The following ECPAS variants were observed in gnomAD, a reference collection of about 807,000 sequenced individuals.
The protein encoded by ECPAS is proteasome adapter and scaffold protein ECM29.
A neutral mutation model predicts 255.1 loss-of-function variants in ECPAS; 70 were observed. The observed-to-expected ratio is 0.27, with a 90% confidence interval of 0.23 to 0.33. The LOEUF (loss-of-function observed/expected upper bound fraction) is 0.33. ECPAS is among the 10% of genes least tolerant of loss of function. ECPAS has a pLI of 1.00. For missense variants in ECPAS, 1,817 were observed against 2,206.4 expected (o/e 0.82, Z 3.54); for synonymous variants, 784 against 775.0 (o/e 1.01, Z -0.19).
intron 27 of ECPAS, 125 bp from the exon 28 acceptor site, chr9:111,393,007 C>G (rs2098162534): frequency 4.8e-6 from 3 of 620,532 alleles, no homozygotes; most frequent in African/African-American, 3.7e-5. Context: ...GATATAAAAA[C>G]AGAATCAATA....
At chr9:111,417,333 A>G (rs975796222) in intron 17 of ECPAS, among the ~76,000 whole-genome samples, 2 of 152,264 alleles carry the variant, frequency 1.3e-5, no homozygotes, top group African/African-American at 2.4e-5. Context: ...AATGTTGCCA[A>G]GCATGAAAGG....
chr9:111,362,377 G>C (rs1392445076), intron 49 of ECPAS, among the ~76,000 whole-genome samples: 1 of 152,008 alleles, frequency 6.6e-6, no homozygotes, highest in Non-Finnish European at 1.5e-5. Context: ...ATTCTTGACA[G>C]TAGCGTAGAG....
chr9:111,365,690 G>A (rs971072682), intron 48 of ECPAS: 3 of 152,276 alleles, frequency 2.0e-5, no homozygotes, highest in Non-Finnish European at 2.9e-5. Flanking sequence ...TAAAAATAAA[G>A]AACATTACCG....
At chr9:111,411,502 T>C (rs897832859) in intron 21 of ECPAS, 2 of 198,682 alleles carry the variant, frequency 1.0e-5, no homozygotes, top group Non-Finnish European at 2.0e-5. Context: ...CTTTCACACA[T>C]AATGTCTTCC....
In ECPAS at chr9:111,451,547, C is replaced by A; in HGVS notation, c.31G>T (p.Glu11Ter). MYHIDCRDQL[E>*]RVFLRLGHAE... is the part of the protein sequence containing the mutation. ...TGGCCAAGTCGTAAAAAGACCCGTTCAAGCTGATCTATAATATAAAAAGAA... is the reference window on the plus strand; with the variant it reads ...TGGCCAAGTCGTAAAAAGACCCGTTAAAGCTGATCTATAATATAAAAAGAA... The change falls in exon 3 of 50, where the codon GAA becomes TAA. Residue 11 changes from glutamate to a stop codon, truncating the protein, a stop_gained. Transcript: ENST00000684092. LOFTEE classifies it high-confidence loss of function. 1 of 1,564,970 alleles carries A rather than the reference C, an allele frequency of 6.4e-7. No individual in the cohort carries two copies. The highest frequency in any genetic ancestry group is 8.6e-7 in the Non-Finnish European group (1 of 1,158,486).
chr9:111,433,041 CCA>C (rs2098232475), intron 8 of ECPAS, among the ~76,000 whole-genome samples, 190 bp downstream of exon 8: 1 of 152,182 alleles, frequency 6.6e-6, no homozygotes, highest in Non-Finnish European at 1.5e-5. Flanking sequence ...AACAGCATCT[CCA>C]CACAGATTTT....
intron 1 of ECPAS, among the ~76,000 whole-genome samples, chr9:111,481,946 A>G (rs1328194737): frequency 6.6e-6 from 1 of 152,150 alleles, no homozygotes; most frequent in Non-Finnish European, 1.5e-5. Context: ...CGAAGGGAGG[A>G]GGGAATGAGG....
At chr9:111,403,812 T>G (rs1011285820) in intron 24 of ECPAS, among the ~76,000 whole-genome samples, 6 of 149,922 alleles carry the variant, frequency 4.0e-5, no homozygotes, top group African/African-American at 1.5e-4. Flanking sequence ...ATACACGTTT[T>G]CTCATCAGCA....
chr9:111,409,972 T>C, intron 23 of ECPAS, 69 bp downstream of exon 23: 1 of 1,104,346 alleles, frequency 9.1e-7, no homozygotes, highest in South Asian at 1.6e-5. Context: ...CTCATTATAA[T>C]CTGTTTTTGC....
At chr9:111,439,807 T>A (rs1006152362) in intron 6 of ECPAS, among the ~76,000 whole-genome samples, 3 of 151,738 alleles carry the variant, frequency 2.0e-5, no homozygotes, top group Admixed American at 2.0e-4. Flanking sequence ...GTAGAGAGAT[T>A]TGAAGAAGTG....
intron 6 of ECPAS, 67 bp downstream of exon 6, chr9:111,440,305 A>T: frequency 7.2e-7 from 1 of 1,389,776 alleles, no homozygotes. Context: ...TTAATCATTT[A>T]AAATAGTACT....
At chr9:111,459,887 G>A (rs1015106792) in intron 2 of ECPAS, among the ~76,000 whole-genome samples, 4 of 151,600 alleles carry the variant, frequency 2.6e-5, no homozygotes, top group South Asian at 2.1e-4. Context: ...ACTTCTTCCA[G>A]AGAAGAGAAA....
chr9:111,397,435 G>C (rs2098169278), intron 24 of ECPAS, among the ~76,000 whole-genome samples: 1 of 152,114 alleles, frequency 6.6e-6, no homozygotes, highest in South Asian at 2.1e-4. Context: ...GCATAATATG[G>C]TTCACCTAAG....
At chr9:111,442,683 C>CTT (rs2098247538) in intron 4 of ECPAS, among the ~76,000 whole-genome samples, 1 of 152,168 alleles carries the variant, frequency 6.6e-6, no homozygotes, top group Non-Finnish European at 1.5e-5. Context: ...TTCATATATG[C>CTT]AATTTCTTAT....
chr9:111,363,532 TA>T, intron 49 of ECPAS, 55 bp downstream of exon 49: 1 of 1,079,518 alleles, frequency 9.3e-7, no homozygotes, highest in Non-Finnish European at 1.4e-6. Context: ...AAAAAATTTC[TA>T]AAACATATGC....
rs765952162 is a variant in ECPAS at position 111,370,729 on chromosome 9, C to G, written c.4774G>C (p.Ala1592Pro). 1.2e-6 allele frequency: 2 copies of G among 1,607,990 alleles called. No individual in the cohort carries two copies. The highest frequency in any genetic ancestry group is 1.1e-5 in the South Asian group (1 of 89,702). Reference protein sequence around the residue: ...LLKAIACVVTACSAELEKSVP... With the variant: ...LLKAIACVVTPCSAELEKSVP... ...CATTGAAAGAACATTTACCTGCAAG[C>G]TGTCACCACACAGGCAATGGCTTTC... Residue 1592 changes from alanine (A) to proline (P), a missense_variant, in exon 44 of 50, where the codon GCT (alanine) becomes CCT (proline). Physicochemically the swap from Ala to Pro is conservative, Grantham distance 27. This residue lies in a region of ECPAS where 960 missense variants were observed against 1,179.0 expected (regional missense o/e 0.81). Coordinates refer to ENST00000684092, the MANE Select transcript of ECPAS (RefSeq NM_001364929.1).
chr9:111,478,836 C>G (rs773895557), intron 1 of ECPAS, among the ~76,000 whole-genome samples: 1 of 152,230 alleles, frequency 6.6e-6, no homozygotes. Flanking sequence ...CATATTCTTC[C>G]TCTTCCTCAA....
chr9:111,469,598 CAGG>C (rs1376586651), intron 2 of ECPAS, among the ~76,000 whole-genome samples: 38 of 152,000 alleles, frequency 2.5e-4, no homozygotes, highest in African/African-American at 8.4e-4. Flanking sequence ...ATCACAAGGT[CAGG>C]AGATCGAGAC....
intron 16 of ECPAS, among the ~76,000 whole-genome samples, chr9:111,418,566 C>T (rs923632428): frequency 6.6e-6 from 1 of 152,090 alleles, no homozygotes; most frequent in Non-Finnish European, 1.5e-5. Context: ...GATTGTGTCT[C>T]ATTTTCCAAA....
Sources: allele counts gnomAD v4.1 joint callset (sites outside exome capture counted in the v4.1 genomes callset), GRCh38; gene constraint gnomAD v4.1.1; regional missense constraint gnomAD v4.1.1; transcripts MANE v1.5; gene names NCBI Gene and HGNC (gene_info 2026-07-23, HGNC 2026-07-21).